Variants in SPIDR observed in about 807,000 individuals in gnomAD.
SPIDR encodes the protein DNA repair-scaffolding protein.
A neutral mutation model predicts 104.6 loss-of-function variants in SPIDR; 93 were observed. The observed-to-expected ratio is 0.89, with a 90% confidence interval of 0.75 to 1.06. The LOEUF (loss-of-function observed/expected upper bound fraction) is 1.06. Ranked by LOEUF, SPIDR falls within the 50% of genes least tolerant of loss-of-function variation. SPIDR has a pLI of 0.00. For missense variants in SPIDR, 1,154 were observed against 1,111.2 expected, an observed-to-expected ratio of 1.04 and a Z score of -0.55; for synonymous variants, 431 against 416.9, an observed-to-expected ratio of 1.03 and a Z score of -0.41.
intron 7 of SPIDR, among the ~76,000 whole-genome samples, chr8:47,426,921 T>C (rs2066504109): frequency 6.6e-6 from 1 of 152,176 alleles, no homozygotes; most frequent in Admixed American, 6.5e-5. Context: ...ATTCAGACCA[T>C]AGCAATAATC....
At chr8:47,602,745 A>G (rs1402190663) in intron 10 of SPIDR, among the ~76,000 whole-genome samples, 1 of 152,216 alleles carries the variant, frequency 6.6e-6, no homozygotes, top group African/African-American at 2.4e-5. Flanking sequence ...GCCAACCTCG[A>G]AATTAAAAGA....
chr8:47,274,421 C>G (rs375980853), intron 1 of SPIDR, among the ~76,000 whole-genome samples: 3 of 152,114 alleles, frequency 2.0e-5, no homozygotes, highest in African/African-American at 4.8e-5. Context: ...CTTTCCTTCT[C>G]GTTGAGATAC....
chr8:47,320,330 A>G (rs1265245628), intron 5 of SPIDR, among the ~76,000 whole-genome samples: 3 of 152,258 alleles, frequency 2.0e-5, no homozygotes, highest in African/African-American at 4.8e-5. Flanking sequence ...CTCTACGCAA[A>G]TAAACTAGAA....
chr8:47,695,933 A>G (rs970766753), intron 11 of SPIDR, among the ~76,000 whole-genome samples: 1 of 152,150 alleles, frequency 6.6e-6, no homozygotes, highest in African/African-American at 2.4e-5. Context: ...TATATTTCTG[A>G]GACTCCTCTT....
chr8:47,736,225 G>T lies in SPIDR; in HGVS notation c.*775G>T, dbSNP rs1488888132. 6.6e-6 allele frequency: 1 copy of T among 152,408 alleles called. No individual in the cohort carries two copies. The highest frequency in any genetic ancestry group is 1.5e-5 in the Non-Finnish European group (1 of 68,214). 9.4% of individuals were successfully genotyped at this position (152,408 alleles called of 1,614,324 possible). The stretch of plus-strand genomic sequence containing the variant: ...TCCTTATAGCAATATAATCATGACA[G>T]GCCATGGTTAACTACATCAGATACA... On this transcript the variant is annotated 3_prime_UTR_variant, in exon 20 of 20. Coordinates refer to ENST00000297423, the MANE Select transcript of SPIDR (RefSeq NM_001080394.4).
intron 8 of SPIDR, among the ~76,000 whole-genome samples, chr8:47,450,574 A>G (rs1442094269): frequency 6.6e-6 from 1 of 152,208 alleles, no homozygotes; most frequent in African/African-American, 2.4e-5. Context: ...CAGTTGTTGT[A>G]TTGTAGGACT....
At chr8:47,393,411 C>G (rs2154308887) in intron 5 of SPIDR, among the ~76,000 whole-genome samples, 1 of 152,284 alleles carries the variant, frequency 6.6e-6, no homozygotes, top group Non-Finnish European at 1.5e-5. Flanking sequence ...CTCTGTATCA[C>G]CATTCAAATG....
At chr8:47,507,118 T>A (rs904226722) in intron 8 of SPIDR, among the ~76,000 whole-genome samples, 2 of 152,200 alleles carry the variant, frequency 1.3e-5, no homozygotes, top group East Asian at 3.9e-4. Flanking sequence ...TACTCCTGGT[T>A]CAAGAAATCC....
At chr8:47,565,843 A>G (rs952496813) in intron 8 of SPIDR, among the ~76,000 whole-genome samples, 25 of 149,806 alleles carry the variant, frequency 1.7e-4, no homozygotes, top group Non-Finnish European at 2.7e-4. Context: ...CAAGATTTTG[A>G]TATTAAAGGT....
intron 8 of SPIDR, among the ~76,000 whole-genome samples, chr8:47,500,883 C>G (rs2080298682): frequency 6.6e-6 from 1 of 152,272 alleles, no homozygotes; most frequent in Non-Finnish European, 1.5e-5. Flanking sequence ...TTCCCAGCAC[C>G]ATTTATTAAA....
chr8:47,511,064 G>T, intron 8 of SPIDR: 1 of 967,018 alleles, frequency 1.0e-6, no homozygotes, highest in Non-Finnish European at 1.7e-6. Flanking sequence ...GCAGCATTGA[G>T]CAGGTTGGCT....
intron 5 of SPIDR, among the ~76,000 whole-genome samples, chr8:47,344,362 C>CTT (rs1787897590): frequency 6.6e-6 from 1 of 152,194 alleles, no homozygotes; most frequent in Admixed American, 6.5e-5. Context: ...TTAATCCAGT[C>CTT]TATCATTGTT....
intron 11 of SPIDR, among the ~76,000 whole-genome samples, chr8:47,688,135 T>G (rs1272322899): frequency 2.6e-5 from 4 of 152,020 alleles, no homozygotes; most frequent in Admixed American, 2.0e-4. Flanking sequence ...TTTATTTTAT[T>G]TATTTATTTT....
chr8:47,385,365 A>C (rs1414896173), intron 5 of SPIDR, among the ~76,000 whole-genome samples: 1 of 152,236 alleles, frequency 6.6e-6, no homozygotes, highest in African/African-American at 2.4e-5. Flanking sequence ...TCTTGTATAA[A>C]TACCATAACC....
chr8:47,331,051 TATGTC>T (rs2048579576), intron 5 of SPIDR, among the ~76,000 whole-genome samples: 1 of 152,232 alleles, frequency 6.6e-6, no homozygotes. Flanking sequence ...TTCTAGTAAG[TATGTC>T]ATGATATCTC....
Position 47,640,766 on chromosome 8 carries a change from T to G in SPIDR, c.1545-33035T>G, listed in dbSNP as rs1011814033. On this transcript the variant is annotated intron_variant, in intron 10 of 19. Transcript: ENST00000297423. Reference sequence around the variant, plus strand: ...GATCTCAGCTCTCTGCAACCTCCACTTCCTGGGTTCAAGCAGTTCTCCTGC... The same window carrying G: ...GATCTCAGCTCTCTGCAACCTCCACGTCCTGGGTTCAAGCAGTTCTCCTGC... Among the ~76,000 whole-genome samples, 5 of 139,682 alleles carry G rather than the reference T, an allele frequency of 3.6e-5. No individual in the cohort carries two copies. In the Admixed American group the frequency reaches 3.8e-4, roughly 11 times the overall value. 91.6% of individuals were successfully genotyped at this position (139,682 alleles called of 152,430 possible).
intron 8 of SPIDR, among the ~76,000 whole-genome samples, chr8:47,442,354 C>T (rs1337681014): frequency 6.6e-6 from 1 of 152,118 alleles, no homozygotes; most frequent in Non-Finnish European, 1.5e-5. Flanking sequence ...TGACTATACA[C>T]AATCTATATG....
Position 47,430,017 on chromosome 8 carries a change from T to C in SPIDR, c.878-10306T>C, listed in dbSNP as rs531582900. Among the ~76,000 whole-genome samples the C allele has an allele frequency of 3.7e-4, 57 of 152,256 alleles. 1 individual carries two copies. In the South Asian group the frequency reaches 0.012, roughly 32 times the overall value. ...TTGCTGTTTTCCCCTGCCTTGTCTG[T>C]TATTCCCATGTGAAAGTCTCTCTCA... On this transcript the variant is annotated intron_variant, in intron 7 of 19. Coordinates refer to ENST00000297423, the MANE Select transcript of SPIDR (RefSeq NM_001080394.4).
chr8:47,326,977 G>T (rs569651883), intron 5 of SPIDR, among the ~76,000 whole-genome samples: 15 of 152,238 alleles, frequency 9.9e-5, no homozygotes, highest in Admixed American at 3.3e-4. Context: ...GAAATTGCTG[G>T]ACTATATGGT....
Sources: allele counts gnomAD v4.1 joint callset (sites outside exome capture counted in the v4.1 genomes callset), GRCh38; gene constraint gnomAD v4.1.1; transcripts MANE v1.5; gene names NCBI Gene and HGNC (gene_info 2026-07-23, HGNC 2026-07-21).